CSGALNACT1: variants seen among roughly 807,000 people sequenced by gnomAD.
CSGALNACT1 encodes the protein chondroitin sulfate N-acetylgalactosaminyltransferase 1.
A neutral mutation model predicts 51.0 loss-of-function variants in CSGALNACT1; 52 were observed. The ratio of observed to expected loss-of-function variants is 1.02; its 90% confidence interval spans 0.82 to 1.29. The LOEUF is 1.29. CSGALNACT1 is among the 50% of genes most tolerant of loss of function. The probability of loss-of-function intolerance (pLI) is 0.00; values close to 1 mark genes in which losing one functional copy is unlikely to be tolerated. For synonymous variants in CSGALNACT1, 341 were observed against 254.4 expected (o/e 1.34, Z -3.24); for missense variants, 935 against 679.2 (o/e 1.38, Z -4.19).
chr8:19,625,333 G>T (rs1455118106), intron 1 of CSGALNACT1, among the ~76,000 whole-genome samples: 1 of 152,222 alleles, frequency 6.6e-6, no homozygotes, highest in Admixed American at 6.5e-5. Flanking sequence ...CTTCATACAT[G>T]CTGTGTTTAA....
intron 5 of CSGALNACT1, among the ~76,000 whole-genome samples, chr8:19,456,950 A>G (rs1474364543): frequency 6.6e-6 from 1 of 152,240 alleles, no homozygotes; most frequent in Admixed American, 6.5e-5. Flanking sequence ...TCAGTCCTCC[A>G]GAGGCTAGAA....
At chr8:19,538,243 A>T (rs946432810) in intron 3 of CSGALNACT1, among the ~76,000 whole-genome samples, 1 of 152,190 alleles carries the variant, frequency 6.6e-6, no homozygotes, top group Admixed American at 6.5e-5. Context: ...AGGCAGGAAG[A>T]TTGCTTGAGC....
intron 3 of CSGALNACT1, among the ~76,000 whole-genome samples, chr8:19,582,338 A>G (rs116784777): frequency 6.6e-6 from 1 of 152,210 alleles, no homozygotes; most frequent in Non-Finnish European, 1.5e-5. Flanking sequence ...GACTACTTAG[A>G]TAATATAAAA....
At chr8:19,536,795 A>G (rs1325975396) in intron 3 of CSGALNACT1, among the ~76,000 whole-genome samples, 2 of 152,240 alleles carry the variant, frequency 1.3e-5, no homozygotes, top group East Asian at 1.9e-4. Flanking sequence ...TGGCAGAAGT[A>G]GTGGCAGAGA....
chr8:19,554,047 A>C (rs1176399690), intron 3 of CSGALNACT1, among the ~76,000 whole-genome samples: 1 of 152,114 alleles, frequency 6.6e-6, no homozygotes. Context: ...TTGGAGCCCC[A>C]GAAAAAGTGA....
intron 3 of CSGALNACT1, among the ~76,000 whole-genome samples, chr8:19,519,818 C>T (rs967797409): frequency 1.3e-5 from 2 of 152,222 alleles, no homozygotes; most frequent in African/African-American, 2.4e-5. Flanking sequence ...TCTCCACCCA[C>T]AATCCTTGGC....
upstream of CSGALNACT1, among the ~76,000 whole-genome samples, chr8:19,684,885 C>A (rs952513208): frequency 5.9e-5 from 9 of 152,194 alleles, no homozygotes; most frequent in Non-Finnish European, 1.2e-4. Flanking sequence ...AATTTCATAT[C>A]CATGTTGTAT....
intron 4 of CSGALNACT1, among the ~76,000 whole-genome samples, chr8:19,482,573 C>T (rs2071716703): frequency 6.6e-6 from 1 of 152,138 alleles, no homozygotes; most frequent in Non-Finnish European, 1.5e-5. Context: ...GCTTTCTCTC[C>T]TTGTGTTTTG....
chr8:19,555,100 G>A (rs150802628), intron 3 of CSGALNACT1, among the ~76,000 whole-genome samples: 2,145 of 151,948 alleles, frequency 0.014, 16 homozygotes, highest in Middle Eastern at 0.034. Context: ...TTAGCCGGGC[G>A]TGGTGCTGAG....
intron 1 of CSGALNACT1, among the ~76,000 whole-genome samples, chr8:19,667,976 T>C (rs879541556): frequency 9.9e-5 from 15 of 152,092 alleles, no homozygotes; most frequent in Non-Finnish European, 2.2e-4. Context: ...CATAGTGAAG[T>C]TGAACTGAAG....
chr8:19,509,780 T>C (rs1488829582), intron 3 of CSGALNACT1, among the ~76,000 whole-genome samples: 2 of 152,322 alleles, frequency 1.3e-5, no homozygotes, highest in Admixed American at 6.5e-5. Context: ...ATTAAAGAGT[T>C]AAAATTTATA....
intron 1 of CSGALNACT1, among the ~76,000 whole-genome samples, chr8:19,677,530 G>C (rs1346610778): frequency 2.0e-5 from 3 of 152,226 alleles, no homozygotes; most frequent in African/African-American, 7.2e-5. Context: ...CCTTCAGTAA[G>C]TGAGAAGGAC....
intron 1 of CSGALNACT1, among the ~76,000 whole-genome samples, chr8:19,658,709 G>A (rs1057469384): frequency 6.6e-6 from 1 of 152,068 alleles, no homozygotes. Context: ...ACTCCAGCCT[G>A]GGTGACAAAG....
intron 3 of CSGALNACT1, among the ~76,000 whole-genome samples, chr8:19,533,108 C>T (rs2083091179): frequency 1.3e-5 from 2 of 151,830 alleles, no homozygotes; most frequent in Admixed American, 6.6e-5. Context: ...AGCAGTTTGA[C>T]GTTTTTGTTT....
intron 3 of CSGALNACT1, among the ~76,000 whole-genome samples, chr8:19,543,357 C>A (rs938075505): frequency 3.3e-5 from 5 of 152,160 alleles, no homozygotes; most frequent in African/African-American, 1.2e-4. Context: ...CTTAGAAAGT[C>A]CTGCAAGATC....
chr8:19,457,581 C>CT, intron 5 of CSGALNACT1: 1 of 989,194 alleles, frequency 1.0e-6, no homozygotes, highest in Non-Finnish European at 1.4e-6. Context: ...CCACTGCACT[C>CT]CAGCCTGGGT....
intron 1 of CSGALNACT1, among the ~76,000 whole-genome samples, chr8:19,613,559 C>G (rs1288764610): frequency 1.3e-5 from 2 of 152,244 alleles, no homozygotes; most frequent in Non-Finnish European, 2.9e-5. Context: ...AATTAGCCAT[C>G]TTTCAGCTCG....
chr8:19,757,155 C>G lies in CSGALNACT1; in HGVS notation c.-297+695G>C, dbSNP rs1392203465. ...TGACGCCCCCGCGCGGCACACCGCG[C>G]CCGGCTGGCCCGGGAGGGGACCCGA... On this transcript the variant is annotated intron_variant, in intron 1 of 1. Transcript: ENST00000517494. The surrounding 1 kb of genome is among the most constrained non-coding windows in gnomAD (Gnocchi z 4.0). 2 of 149,670 alleles carry G rather than the reference C, an allele frequency of 1.3e-5. No individual in the cohort carries two copies. Among genetic ancestry groups the G allele is most frequent in the Admixed American group, 6.6e-5 (1 of 15,072 alleles). 9.3% of individuals were successfully genotyped at this position (149,670 alleles called of 1,614,324 possible).
At chr8:19,693,429 G>C (rs954469621) in intron 1 of CSGALNACT1, among the ~76,000 whole-genome samples, 3 of 152,050 alleles carry the variant, frequency 2.0e-5, no homozygotes, top group Non-Finnish European at 2.9e-5. Context: ...ATCTGGGTGA[G>C]TTTATCACCC....
Sources: gnomAD v4.1 joint callset for allele counts (sites outside exome capture counted in the v4.1 genomes callset) on GRCh38, gnomAD v4.1.1 for gene constraint, Gnocchi (gnomAD v3.1) non-coding constraint, MANE v1.5 for transcripts, NCBI Gene and HGNC (gene_info 2026-07-23, HGNC 2026-07-21) for gene names.